The following ANKRD36C variants were observed in gnomAD, a reference collection of about 807,000 sequenced individuals.
ANKRD36C encodes ankyrin repeat domain-containing protein 36C.
A neutral mutation model predicts 276.4 loss-of-function variants in ANKRD36C; 61 were observed. That is an observed-to-expected ratio of 0.22 (90% CI 0.18 to 0.27). The LOEUF (loss-of-function observed/expected upper bound fraction) is 0.27. ANKRD36C is among the 10% of genes least tolerant of loss of function. ANKRD36C has a pLI of 1.00. For synonymous variants in ANKRD36C, 483 were observed against 680.1 expected (o/e 0.71, Z 4.51); for missense variants, 1,447 against 2,032.3 (o/e 0.71, Z 5.54).
chr2:95,991,784 A>T, exon 1 of ANKRD36C: 4 of 1,421,360 alleles, frequency 2.8e-6, no homozygotes, highest in Non-Finnish European at 2.9e-6. Context: ...GAAGAGCAAC[A>T]ACAGGCAAAG....
chr2:95,953,436 T>G (rs1310656162), intron 14 of ANKRD36C, among the ~76,000 whole-genome samples: 15 of 152,030 alleles, frequency 9.9e-5, no homozygotes, highest in Non-Finnish European at 4.4e-5. Flanking sequence ...AAGAAATAGC[T>G]CTCTGCAAAA....
At chr2:95,922,035 G>A (rs184285844) in intron 32 of ANKRD36C, among the ~76,000 whole-genome samples, 70 of 151,564 alleles carry the variant, frequency 4.6e-4, no homozygotes, top group Middle Eastern at 6.8e-3. Flanking sequence ...ATGATTTCTC[G>A]TATATCTAAA....
In ANKRD36C at chr2:95,855,350, T is replaced by C. The variant is rs780503508; in HGVS notation, c.4911A>G (p.Glu1637=). ...CATTCACCAACATTTTATTGTCTTC[T>C]TCTAGTAAGAGACGGTGCTTTCTGC... Residue 1637 remains glutamate, a synonymous_variant, in exon 63 of 67, where the codon GAA becomes GAG. Coordinates refer to ENST00000456556, the Ensembl canonical transcript of ANKRD36C. 12 of 1,612,688 alleles carry C rather than the reference T, an allele frequency of 7.4e-6. No homozygotes were observed. In the Admixed American group the frequency reaches 2.0e-4, roughly 27 times the overall value.
At position 95,981,724 on chromosome 2, in the gene ANKRD36C, C is replaced by T. The variant is rs576346612; in HGVS notation, c.593+532G>A. Among the ~76,000 whole-genome samples the T allele has an allele frequency of 7.9e-5, 12 of 151,948 alleles. No individual in the cohort carries two copies. The South Asian group carries it at 8.3e-4, about 10-fold the overall frequency. On this transcript the variant is annotated intron_variant, in intron 4 of 66. Transcript: ENST00000456556. ...GTGATAAGTAATGTTACCAAGGTCA[C>T]ACATCTAGCAAGTGGGAAAGCTAGG...
chr2:95,855,561 T>C (rs751260700), exon 63 of ANKRD36C: 13 of 1,611,164 alleles, frequency 8.1e-6, no homozygotes, highest in African/African-American at 1.3e-5. Flanking sequence ...GTATCCACTT[T>C]TGTACATTTT....
At chr2:95,870,970 A>G (rs887250756) in intron 59 of ANKRD36C, among the ~76,000 whole-genome samples, 1 of 152,290 alleles carries the variant, frequency 6.6e-6, no homozygotes, top group African/African-American at 2.4e-5. Context: ...GAGAGAAAAA[A>G]GAATGAAAAG....
chr2:95,931,310 G>A (rs7419660), intron 24 of ANKRD36C, among the ~76,000 whole-genome samples: 5 of 150,454 alleles, frequency 3.3e-5, no homozygotes, highest in South Asian at 4.2e-4. Flanking sequence ...CACTCACATC[G>A]GTTTGAGTAT....
intron 6 of ANKRD36C, among the ~76,000 whole-genome samples, chr2:95,970,520 A>G (rs1373240293): frequency 1.3e-5 from 2 of 152,124 alleles, no homozygotes; most frequent in African/African-American, 2.4e-5. Context: ...AACTCACTGG[A>G]GCTACCAAGA....
Position 95,886,276 on chromosome 2 carries a change from T to C in ANKRD36C, c.3062-32A>G, listed in dbSNP as rs760002661. ...AGCAAAACAGATACATAATCACTCA[T>C]ATGTGCATATGATAAAGTTATTCAA... is the stretch of plus-strand genomic sequence containing the variant. On this transcript the variant is annotated intron_variant, in intron 50 of 66. Coordinates refer to ENST00000456556, the Ensembl canonical transcript of ANKRD36C. The C allele has an allele frequency of 6.1e-5, 79 of 1,301,826 alleles. 3 individuals are homozygous for C. The highest frequency in any genetic ancestry group is 2.5e-4 in the Middle Eastern group (1 of 4,020). 80.6% of individuals were successfully genotyped at this position (1,301,826 alleles called of 1,614,324 possible).
chr2:95,893,725 C>A lies in ANKRD36C; in HGVS notation c.2756-1865G>T. On this transcript the variant is annotated intron_variant, in intron 44 of 66. Coordinates refer to ENST00000456556, the Ensembl canonical transcript of ANKRD36C. ...AAGGCTGGTGGTTTCTGAGAAGACA[C>A]TGAAAAGCAAAAGGGATTCATAATC... 1 of 1,605,564 alleles carries A rather than the reference C, an allele frequency of 6.2e-7. No homozygotes were observed. The highest frequency in any genetic ancestry group is 8.5e-7 in the Non-Finnish European group (1 of 1,177,290).
chr2:95,962,457 G>T, intron 7 of ANKRD36C, 33 bp from the exon 8 acceptor site: 1 of 1,588,500 alleles, frequency 6.3e-7, no homozygotes. Flanking sequence ...TAATCAATAC[G>T]TAAAGTATTT....
chr2:95,927,318 C>T (rs373019320), intron 27 of ANKRD36C, 32 bp from the exon 28 acceptor site: 244 of 1,608,182 alleles, frequency 1.5e-4, no homozygotes, highest in East Asian at 2.2e-4. Context: ...ATAATCAATA[C>T]GTAAAGTAGG....
At chr2:95,988,873 A>C (rs1207518125) in intron 1 of ANKRD36C, among the ~76,000 whole-genome samples, 1 of 152,096 alleles carries the variant, frequency 6.6e-6, no homozygotes, top group African/African-American at 2.4e-5. Context: ...AATAAACAAA[A>C]AAATAAAAAT....
At chr2:95,970,405 C>G (rs895994628) in intron 6 of ANKRD36C, among the ~76,000 whole-genome samples, 10 of 152,142 alleles carry the variant, frequency 6.6e-5, no homozygotes, top group African/African-American at 2.2e-4. Flanking sequence ...CAATCTGAGT[C>G]TTGTTTCCTT....
At chr2:95,964,396 T>C (rs146187672) in intron 6 of ANKRD36C, among the ~76,000 whole-genome samples, 4,008 of 151,984 alleles carry the variant, frequency 0.026, 190 homozygotes, top group African/African-American at 0.092. Flanking sequence ...GCTTTCTTTG[T>C]TCTGCCCAAT....
At chr2:95,988,526 G>A (rs2104547536) in intron 1 of ANKRD36C, among the ~76,000 whole-genome samples, 1 of 152,210 alleles carries the variant, frequency 6.6e-6, no homozygotes, top group Non-Finnish European at 1.5e-5. Context: ...CCTGAGAGAT[G>A]GTGGAATGTG....
rs1410469876 is a variant in ANKRD36C, at chr2:95,987,075, A to C, written c.312+17T>G. Reference sequence around the variant, plus strand: ...CCAAATCCATCTCATGCTCAAAAAGAGTCAGCTACTATGTACCTTGATCAG... The same window carrying C: ...CCAAATCCATCTCATGCTCAAAAAGCGTCAGCTACTATGTACCTTGATCAG... On this transcript the variant is annotated intron_variant, in intron 2 of 66. Coordinates refer to ENST00000456556, the Ensembl canonical transcript of ANKRD36C. 5.6e-6 allele frequency: 8 copies of C among 1,419,576 alleles called. No homozygotes were observed. In the South Asian group the frequency reaches 1.1e-4, roughly 19 times the overall value. The allele number at this position is 1,419,576 out of a possible 1,614,324, so 87.9% of individuals were successfully genotyped here.
chr2:95,959,801 A>G (rs1233179977), intron 10 of ANKRD36C, among the ~76,000 whole-genome samples: 12 of 152,186 alleles, frequency 7.9e-5, no homozygotes, highest in African/African-American at 2.9e-4. Context: ...CTGATGCCCA[A>G]TAATAACAAA....
chr2:95,961,580 T>A (rs1465139043), intron 8 of ANKRD36C, among the ~76,000 whole-genome samples: 1 of 152,110 alleles, frequency 6.6e-6, no homozygotes, highest in African/African-American at 2.4e-5. Flanking sequence ...ATTGCTATTT[T>A]ATCCAAAAGT....
Sources: allele counts gnomAD v4.1 joint callset (sites outside exome capture counted in the v4.1 genomes callset), GRCh38; gene constraint gnomAD v4.1.1; transcripts MANE v1.5; gene names NCBI Gene and HGNC (gene_info 2026-07-23, HGNC 2026-07-21).